Variants in DENND2B observed in about 807,000 individuals in gnomAD.
The protein encoded by DENND2B is DENN domain-containing protein 2B.
DENND2B carries 32 observed loss-of-function variants against 116.0 expected under a neutral mutation model. That is an observed-to-expected ratio of 0.28 (90% CI 0.21 to 0.37). The LOEUF (loss-of-function observed/expected upper bound fraction) is 0.37, where lower values mean the gene tolerates loss of function less well. Ranked by LOEUF, DENND2B falls within the 10% of genes least tolerant of loss-of-function variation. DENND2B has a pLI of 1.00. For missense variants in DENND2B, 1,276 were observed against 1,477.7 expected (o/e 0.86, Z 2.24); for synonymous variants, 588 against 583.9 (o/e 1.01, Z -0.10).
intron 1 of DENND2B, among the ~76,000 whole-genome samples, chr11:8,892,406 C>G (rs56298826): frequency 4.6e-5 from 7 of 152,226 alleles, no homozygotes; most frequent in African/African-American, 1.7e-4. Context: ...CAGAGCAGAA[C>G]TGAAGGCGAC....
At chr11:8,773,314 C>T (rs2057198471) in intron 1 of DENND2B, among the ~76,000 whole-genome samples, 1 of 152,228 alleles carries the variant, frequency 6.6e-6, no homozygotes, top group Non-Finnish European at 1.5e-5. Context: ...CCATGAGCCA[C>T]TCTGGCACCA....
chr11:8,696,626 G>T lies in DENND2B; in HGVS notation c.3093C>A (p.Ile1031=). ...TLNGLVSEVF[I]RFFVETVGHY... ...GCCCAACGGTCTCCACAAAGAACCG[G>T]ATAAACACCTCCGACACCAGCCCAT... Residue 1031 remains isoleucine (I), a synonymous_variant, in exon 18 of 20, where the codon ATC becomes ATA. Transcript: ENST00000313726. The T allele has an allele frequency of 6.2e-7, 1 of 1,614,128 alleles. No individual in the cohort carries two copies. Among genetic ancestry groups the T allele is most frequent in the Non-Finnish European group, 8.5e-7 (1 of 1,180,030 alleles).
intron 1 of DENND2B, among the ~76,000 whole-genome samples, chr11:8,751,446 G>A (rs2052468192): frequency 6.6e-6 from 1 of 152,090 alleles, no homozygotes; most frequent in East Asian, 1.9e-4. Context: ...TGGAAGCTTT[G>A]TCCTTTCGCC....
intron 2 of DENND2B, among the ~76,000 whole-genome samples, chr11:8,867,297 G>C (rs1257192071): frequency 2.0e-5 from 3 of 152,080 alleles, no homozygotes; most frequent in African/African-American, 7.2e-5. Context: ...TATAAATGTG[G>C]GTGTCCAATG....
intron 1 of DENND2B, among the ~76,000 whole-genome samples, chr11:8,756,012 G>A (rs1288083746): frequency 6.6e-6 from 1 of 152,168 alleles, no homozygotes; most frequent in Non-Finnish European, 1.5e-5. Context: ...TCTCAGGCCA[G>A]TTTTCAGGGT....
At chr11:8,817,585 T>C (rs1193523420) in intron 4 of DENND2B, among the ~76,000 whole-genome samples, 2 of 152,040 alleles carry the variant, frequency 1.3e-5, no homozygotes, top group Admixed American at 1.3e-4. Flanking sequence ...AGTCTATAAT[T>C]CTTCTAGACC....
intron 9 of DENND2B, 126 bp from the exon 10 acceptor site, chr11:8,711,357 G>A: frequency 1.4e-6 from 1 of 720,806 alleles, no homozygotes; most frequent in Non-Finnish European, 2.4e-6. Context: ...AGCAACCCTT[G>A]TCCCACTCCG....
chr11:8,744,147 T>G (rs1170885682), intron 2 of DENND2B, among the ~76,000 whole-genome samples: 7 of 151,444 alleles, frequency 4.6e-5, no homozygotes, highest in African/African-American at 1.7e-4. Context: ...TTTTTTTTTT[T>G]TGGGGGACAG....
intron 1 of DENND2B, among the ~76,000 whole-genome samples, chr11:8,753,958 G>A (rs572654843): frequency 6.6e-5 from 10 of 151,462 alleles, no homozygotes; most frequent in African/African-American, 2.4e-4. Flanking sequence ...AGCAACGCTG[G>A]AAGAAAACAG....
intron 1 of DENND2B, among the ~76,000 whole-genome samples, chr11:8,901,630 G>A (rs1219490441): frequency 2.0e-5 from 3 of 152,108 alleles, no homozygotes; most frequent in Non-Finnish European, 4.4e-5. Flanking sequence ...CACAGTTTTA[G>A]CTGCCTCTCA....
chr11:8,875,720 C>CA (rs1183332238), upstream of DENND2B, among the ~76,000 whole-genome samples: 1 of 152,100 alleles, frequency 6.6e-6, no homozygotes, highest in Non-Finnish European at 1.5e-5. Context: ...TAAGCCACCA[C>CA]ACCTAGCTGA....
intron 1 of DENND2B, among the ~76,000 whole-genome samples, chr11:8,890,400 T>C (rs1039455847): frequency 3.9e-4 from 60 of 152,276 alleles, no homozygotes; most frequent in African/African-American, 6.7e-4. Context: ...AGAATGACTT[T>C]GACAAGTTGA....
At chr11:8,706,241 G>A (rs1005342856) in intron 13 of DENND2B, among the ~76,000 whole-genome samples, 1 of 152,290 alleles carries the variant, frequency 6.6e-6, no homozygotes, top group Middle Eastern at 3.4e-3. Flanking sequence ...ATGGGTGGCA[G>A]AGTGAGACCC....
intron 1 of DENND2B, among the ~76,000 whole-genome samples, chr11:8,751,668 G>A (rs529924290): frequency 6.1e-4 from 93 of 152,186 alleles, no homozygotes; most frequent in African/African-American, 2.1e-3. Flanking sequence ...GAGGGTCCAC[G>A]GCTTCATTCT....
At chr11:8,770,648 A>G (rs997807400) in intron 1 of DENND2B, among the ~76,000 whole-genome samples, 1 of 152,152 alleles carries the variant, frequency 6.6e-6, no homozygotes, top group Non-Finnish European at 1.5e-5. Flanking sequence ...TAGTCAGTCT[A>G]TGGAACCCAG....
At chr11:8,886,138 T>C (rs1244905868) in intron 1 of DENND2B, among the ~76,000 whole-genome samples, 1 of 152,148 alleles carries the variant, frequency 6.6e-6, no homozygotes, top group Non-Finnish European at 1.5e-5. Context: ...TCTCACCATG[T>C]TGTCCAGGCT....
intron 1 of DENND2B, among the ~76,000 whole-genome samples, chr11:8,763,683 A>G (rs192781114): frequency 2.1e-4 from 31 of 151,158 alleles, no homozygotes; most frequent in Non-Finnish European, 3.4e-4. Flanking sequence ...AAATAAATCA[A>G]TGCTATTAGA....
At chr11:8,704,559 G>A (rs1269779308) in intron 13 of DENND2B, among the ~76,000 whole-genome samples, 1 of 152,200 alleles carries the variant, frequency 6.6e-6, no homozygotes, top group African/African-American at 2.4e-5. Context: ...CCTCAAGCTA[G>A]GATTTGCCAC....
chr11:8,819,338 A>G (rs1175653016), intron 4 of DENND2B, among the ~76,000 whole-genome samples: 1 of 152,154 alleles, frequency 6.6e-6, no homozygotes, highest in African/African-American at 2.4e-5. Context: ...TCAAGGCTGC[A>G]GTGGGCCATG....
Sources: gnomAD v4.1 joint callset for allele counts (sites outside exome capture counted in the v4.1 genomes callset) on GRCh38, gnomAD v4.1.1 for gene constraint, MANE v1.5 for transcripts, NCBI Gene and HGNC (gene_info 2026-07-23, HGNC 2026-07-21) for gene names.